The following ADAMTS6 variants were observed in gnomAD, a reference collection of about 807,000 sequenced individuals.
The protein encoded by ADAMTS6 is A disintegrin and metalloproteinase with thrombospondin motifs 6.
ADAMTS6 carries 23 observed loss-of-function variants against 144.3 expected under a neutral mutation model. The ratio of observed to expected loss-of-function variants is 0.16; its 90% confidence interval spans 0.11 to 0.23. The LOEUF (loss-of-function observed/expected upper bound fraction) is 0.23, where lower values mean the gene tolerates loss of function less well. Among genes scored for constraint, ADAMTS6 ranks in the 10% least tolerant of loss-of-function variants. The pLI, the probability that ADAMTS6 is intolerant of heterozygous loss-of-function variation, is 1.00. For missense variants in ADAMTS6, 999 were observed against 1,379.6 expected, an observed-to-expected ratio of 0.72 and a Z score of 4.37; for synonymous variants, 444 against 457.5, an observed-to-expected ratio of 0.97 and a Z score of 0.38.
At chr5:65,382,755 A>G (rs958156901) in intron 7 of ADAMTS6, among the ~76,000 whole-genome samples, 2 of 152,148 alleles carry the variant, frequency 1.3e-5, no homozygotes, top group Non-Finnish European at 2.9e-5. Context: ...TGTCACTCCT[A>G]AGAGAGGTCT....
At chr5:65,220,103 C>A (rs1199207165) in intron 18 of ADAMTS6, among the ~76,000 whole-genome samples, 1 of 152,088 alleles carries the variant, frequency 6.6e-6, no homozygotes, top group Non-Finnish European at 1.5e-5. Flanking sequence ...ATGTGCTAGA[C>A]TATAAAAAAA....
intron 21 of ADAMTS6, 52 bp downstream of exon 21, chr5:65,196,970 T>C: frequency 6.3e-7 from 1 of 1,583,436 alleles, no homozygotes; most frequent in African/African-American, 1.4e-5. Flanking sequence ...ATACATAATG[T>C]TTTTCTCTTT....
intron 11 of ADAMTS6, among the ~76,000 whole-genome samples, chr5:65,286,065 AT>A (rs1367597473): frequency 6.6e-6 from 1 of 152,216 alleles, no homozygotes; most frequent in Non-Finnish European, 1.5e-5. Context: ...CAGTACCAGC[AT>A]TATCAGCTAT....
At chr5:65,433,756 T>C (rs753578756) in intron 7 of ADAMTS6, among the ~76,000 whole-genome samples, 1 of 152,164 alleles carries the variant, frequency 6.6e-6, no homozygotes, top group African/African-American at 2.4e-5. Context: ...TAAAACATGT[T>C]GGCCATGACA....
chr5:65,233,515 A>G (rs899679507), intron 15 of ADAMTS6, among the ~76,000 whole-genome samples: 2 of 152,140 alleles, frequency 1.3e-5, no homozygotes, highest in African/African-American at 2.4e-5. Flanking sequence ...ACATACAAAA[A>G]TCAGTCCATT....
intron 4 of ADAMTS6, among the ~76,000 whole-genome samples, chr5:65,454,085 G>T (rs1319661302): frequency 2.6e-5 from 4 of 152,132 alleles, no homozygotes; most frequent in Non-Finnish European, 4.4e-5. Flanking sequence ...GTGGGTTCCT[G>T]ATAAAAATAA....
rs201561792 is a variant in ADAMTS6, at chr5:65,170,729, C to G, written c.3132G>C (p.Gln1044His). 1.5e-5 allele frequency: 24 copies of G among 1,614,076 alleles called. No individual in the cohort carries two copies. Among genetic ancestry groups the G allele is most frequent in the Non-Finnish European group, 2.5e-6 (3 of 1,180,036 alleles). The change falls in exon 24 of 25, where the codon CAG (glutamine) becomes CAC (histidine). Residue 1044 changes from glutamine to histidine, a missense_variant. Gln to His is a conservative substitution (Grantham distance 24). Coordinates refer to ENST00000381055, the MANE Select transcript of ADAMTS6 (RefSeq NM_197941.4). ...CGLGQQMRTV[Q>H]CLSYTGQASS... Reference sequence around the variant, plus strand: ...ATGCCTGTCCGGTGTAGGAGAGACACTGCACAGTTCTCATCTGCTGTCCAA... The same window carrying G: ...ATGCCTGTCCGGTGTAGGAGAGACAGTGCACAGTTCTCATCTGCTGTCCAA...
intron 7 of ADAMTS6, among the ~76,000 whole-genome samples, chr5:65,414,754 A>G (rs1413013592): frequency 2.0e-5 from 3 of 152,194 alleles, no homozygotes; most frequent in Admixed American, 2.0e-4. Context: ...AACAGGACAA[A>G]TTGTGAAAAT....
At chr5:65,361,790 G>T (rs770906202) in intron 7 of ADAMTS6, among the ~76,000 whole-genome samples, 1 of 151,578 alleles carries the variant, frequency 6.6e-6, no homozygotes, top group Admixed American at 6.6e-5. Flanking sequence ...CTGGAGTGCA[G>T]TTGCATGATC....
At chr5:65,157,050 G>T (rs900288481) in intron 24 of ADAMTS6, among the ~76,000 whole-genome samples, 2 of 152,244 alleles carry the variant, frequency 1.3e-5, no homozygotes, top group Admixed American at 6.5e-5. Context: ...TCTTCTCAGA[G>T]AGACTTGGGA....
At chr5:65,293,837 G>A (rs574174582) in intron 10 of ADAMTS6, among the ~76,000 whole-genome samples, 3 of 152,162 alleles carry the variant, frequency 2.0e-5, no homozygotes, top group African/African-American at 7.2e-5. Context: ...AGCACCTATT[G>A]CTTTGTATTA....
At chr5:65,399,633 T>C (rs555287575) in intron 7 of ADAMTS6, among the ~76,000 whole-genome samples, 1 of 152,316 alleles carries the variant, frequency 6.6e-6, no homozygotes, top group South Asian at 2.1e-4. Context: ...GTGTAACTTA[T>C]AATAATGAAA....
chr5:65,236,946 C>G (rs1238808920), intron 15 of ADAMTS6, among the ~76,000 whole-genome samples: 1 of 151,882 alleles, frequency 6.6e-6, no homozygotes, highest in African/African-American at 2.4e-5. Context: ...AGTGAAAACA[C>G]AAATTATCAA....
chr5:65,276,020 AAGTTCTATTAT>A (rs1312236160), intron 11 of ADAMTS6, among the ~76,000 whole-genome samples: 6 of 97,880 alleles, frequency 6.1e-5, no homozygotes, highest in Non-Finnish European at 1.2e-4. Context: ...TAAGCGATGA[AAGTTCTATTAT>A]TGAAAAAGAC....
intron 4 of ADAMTS6, 99 bp downstream of exon 4, chr5:65,460,071 C>T: frequency 7.5e-7 from 1 of 1,337,760 alleles, no homozygotes; most frequent in East Asian, 2.4e-5. Flanking sequence ...TAGTCAAACT[C>T]CTACTTCCTT....
intron 7 of ADAMTS6, among the ~76,000 whole-genome samples, chr5:65,387,755 C>CA (rs562217656): frequency 1.2e-3 from 184 of 150,212 alleles, no homozygotes; most frequent in Non-Finnish European, 1.4e-3. Flanking sequence ...ATCTTCTGGC[C>CA]AAAAAAAAGA....
At position 65,237,387 on chromosome 5, in the gene ADAMTS6, C is replaced by CAA. The variant is rs371275883; in HGVS notation, c.1933+4715_1933+4716dup. 5.3e-3 allele frequency among the ~76,000 whole-genome samples: 412 copies of CAA among 77,096 alleles called. 6 individuals are homozygous for CAA. Among genetic ancestry groups the CAA allele is most frequent in the African/African-American group, 0.018 (374 of 21,160 alleles). 50.6% of individuals were successfully genotyped at this position (77,096 alleles called of 152,430 possible). ...TGGGCGACAGAGGGAGACCTTGTCT[C>CAA]AAAAAAAAAAAAAAAAAAGAAAACT... On this transcript the variant is annotated intron_variant, in intron 15 of 24. Transcript: ENST00000381055.
intron 24 of ADAMTS6, among the ~76,000 whole-genome samples, chr5:65,167,345 T>TTG (rs1753239330): frequency 6.6e-6 from 1 of 152,092 alleles, no homozygotes; most frequent in Non-Finnish European, 1.5e-5. Flanking sequence ...AGAAGTTGAA[T>TTG]CTCTGAATAG....
At chr5:65,443,903 T>C (rs1758066371) in intron 7 of ADAMTS6, among the ~76,000 whole-genome samples, 1 of 152,144 alleles carries the variant, frequency 6.6e-6, no homozygotes, top group South Asian at 2.1e-4. Flanking sequence ...CTTTCCTTGC[T>C]GAGGTCAGGA....
Sources: gnomAD v4.1 joint callset for allele counts (sites outside exome capture counted in the v4.1 genomes callset) on GRCh38, gnomAD v4.1.1 for gene constraint, MANE v1.5 for transcripts, NCBI Gene and HGNC (gene_info 2026-07-23, HGNC 2026-07-21) for gene names.